Variants in DLGAP2 observed in about 807,000 individuals in gnomAD.
DLGAP2 encodes DLG associated protein 2.
DLGAP2 carries 26 observed loss-of-function variants against 100.3 expected under a neutral mutation model. The observed-to-expected ratio is 0.26, with a 90% confidence interval of 0.19 to 0.36. DLGAP2 has a LOEUF of 0.36. Among genes scored for constraint, DLGAP2 ranks in the 10% least tolerant of loss-of-function variants. The probability of loss-of-function intolerance (pLI) is 1.00; values close to 1 mark genes in which losing one functional copy is unlikely to be tolerated. For synonymous variants in DLGAP2, 886 were observed against 630.1 expected (o/e 1.41, Z -6.08); for missense variants, 1,858 against 1,453.2 (o/e 1.28, Z -4.53).
chr8:1,279,137 G>A (rs1041365053), intron 3 of DLGAP2, among the ~76,000 whole-genome samples: 1 of 152,218 alleles, frequency 6.6e-6, no homozygotes, highest in African/African-American at 2.4e-5. Context: ...GCAAATAGAG[G>A]TGTCAGTAGT....
rs1490183908 is a variant in DLGAP2, at chr8:1,240,934, TCACATGGC to T, written c.74-17916_74-17909del. 5.0e-4 allele frequency among the ~76,000 whole-genome samples: 4 copies of T among 7,956 alleles called. 1 individual carries two copies. Among genetic ancestry groups the T allele is most frequent in the African/African-American group, 2.2e-3 (3 of 1,336 alleles). The allele number at this position is 7,956 out of a possible 152,430, so 5.2% of individuals were successfully genotyped here. A position where few individuals can be genotyped will look rare whatever the true frequency, so the allele number is the denominator to read the frequency against. The stretch of plus-strand genomic sequence containing the variant: ...TCACATGGCACTGTGTCTAGTTCTC[TCACATGGC>T]GCCGTGTCTAGTTCTCTTACATGGC... On this transcript the variant is annotated intron_variant, in intron 2 of 14. Transcript: ENST00000637795.
At chr8:1,178,247 C>G (rs942996418) in intron 2 of DLGAP2, among the ~76,000 whole-genome samples, 1 of 152,204 alleles carries the variant, frequency 6.6e-6, no homozygotes, top group Non-Finnish European at 1.5e-5. Flanking sequence ...GGAGTTACCA[C>G]GTGATAGCAT....
chr8:874,721 T>A (rs1175700964), intron 1 of DLGAP2, among the ~76,000 whole-genome samples: 2 of 152,216 alleles, frequency 1.3e-5, no homozygotes, highest in African/African-American at 4.8e-5. Flanking sequence ...TGGTGATTGC[T>A]AGGTCTAATG....
intron 1 of DLGAP2, among the ~76,000 whole-genome samples, chr8:836,656 C>T (rs573411216): frequency 2.6e-5 from 4 of 152,204 alleles, no homozygotes; most frequent in South Asian, 4.1e-4. Context: ...CTTCCGTTTC[C>T]CCGGCCTACA....
intron 2 of DLGAP2, among the ~76,000 whole-genome samples, chr8:959,961 T>G (rs1799684761): frequency 6.6e-6 from 1 of 152,174 alleles, no homozygotes; most frequent in Non-Finnish European, 1.5e-5. Flanking sequence ...AAGATAGTTA[T>G]GCTAGGTATA....
chr8:749,036 G>C (rs1820723102), intron 1 of DLGAP2, among the ~76,000 whole-genome samples: 1 of 152,154 alleles, frequency 6.6e-6, no homozygotes, highest in Non-Finnish European at 1.5e-5. Context: ...GGCCTTGCTT[G>C]TTACCCAGGC....
intron 3 of DLGAP2, among the ~76,000 whole-genome samples, chr8:1,488,040 T>A (rs11996768): frequency 0.64 from 96,448 of 151,638 alleles, 30,928 homozygotes; most frequent in Admixed American, 0.7. Flanking sequence ...AGAGTCTTCG[T>A]TGAGGAGGGC....
chr8:1,237,257 G>C (rs1405593566), intron 2 of DLGAP2, among the ~76,000 whole-genome samples: 1 of 136,398 alleles, frequency 7.3e-6, no homozygotes, highest in Non-Finnish European at 1.5e-5. Context: ...CTCTCACATG[G>C]TGCTATGTCT....
At chr8:1,434,174 T>TCAGC (rs1449393519) in intron 3 of DLGAP2, among the ~76,000 whole-genome samples, 1 of 152,132 alleles carries the variant, frequency 6.6e-6, no homozygotes, top group African/African-American at 2.4e-5. Context: ...CGTCAGCAGC[T>TCAGC]CAGCCGCTCT....
chr8:1,281,469 C>T (rs1455315844), intron 3 of DLGAP2, among the ~76,000 whole-genome samples: 1 of 152,188 alleles, frequency 6.6e-6, no homozygotes, highest in East Asian at 1.9e-4. Flanking sequence ...GCCCTTCTGT[C>T]CCCTGGGCAC....
chr8:1,117,509 C>T (rs958756355), intron 2 of DLGAP2, among the ~76,000 whole-genome samples: 1 of 151,934 alleles, frequency 6.6e-6, no homozygotes, highest in African/African-American at 2.4e-5. Flanking sequence ...CTGTGTAGGA[C>T]AAGCCTGAAC....
chr8:903,612 ACT>A (rs1157780636), intron 1 of DLGAP2, among the ~76,000 whole-genome samples: 1 of 151,552 alleles, frequency 6.6e-6, no homozygotes, highest in Non-Finnish European at 1.5e-5. Context: ...TTATTCCTCC[ACT>A]CTGTTCATGG....
chr8:1,128,086 ATGAGGACCTGCTCCCCGTGTTGTGTTCCG>A (rs1563205900), intron 2 of DLGAP2, among the ~76,000 whole-genome samples: 23 of 150,986 alleles, frequency 1.5e-4, no homozygotes, highest in Admixed American at 3.9e-4. Flanking sequence ...GTTGTGTTCC[ATGAGGACCTGCTCCCCGTGTTGTGTTCCG>A]TGAGGACCTG....
rs34915218 is a variant in DLGAP2 at position 1,344,264 on chromosome 8, G to T, written c.106+85381G>T. Among the ~76,000 whole-genome samples the T allele has an allele frequency of 3.2e-3, 447 of 138,578 alleles. 4 individuals carry two copies. Among genetic ancestry groups the T allele is most frequent in the Non-Finnish European group, 5.0e-3 (321 of 64,218 alleles). The allele number at this position is 138,578 out of a possible 152,430, so 90.9% of individuals were successfully genotyped here. ...TGCACACTTCGCCCAGTCTCCCCTC[G>T]AGCTACGTGCCCAGGCATTGTGGGT... On this transcript the variant is annotated intron_variant, in intron 3 of 14. Coordinates refer to ENST00000637795, the MANE Select transcript of DLGAP2 (RefSeq NM_001346810.2).
intron 1 of DLGAP2, among the ~76,000 whole-genome samples, chr8:778,020 C>T (rs1352040725): frequency 4.0e-5 from 6 of 149,500 alleles, no homozygotes; most frequent in African/African-American, 1.5e-4. Context: ...TTCACGTAGT[C>T]CCATATTTCT....
At chr8:784,380 G>GA (rs1330542324) in intron 1 of DLGAP2, among the ~76,000 whole-genome samples, 2 of 152,208 alleles carry the variant, frequency 1.3e-5, no homozygotes, top group African/African-American at 4.8e-5. Flanking sequence ...AAAAAGAGAG[G>GA]AAAACGTCTT....
chr8:1,428,271 C>G (rs554878357), intron 3 of DLGAP2, among the ~76,000 whole-genome samples: 6 of 151,926 alleles, frequency 3.9e-5, no homozygotes, highest in Non-Finnish European at 5.9e-5. Context: ...ACACAATGAG[C>G]AATTTTATGA....
intron 3 of DLGAP2, among the ~76,000 whole-genome samples, chr8:1,331,468 C>A (rs1012266967): frequency 1.3e-5 from 2 of 152,194 alleles, no homozygotes; most frequent in Non-Finnish European, 2.9e-5. Context: ...GGGCAAACAA[C>A]AGACTCCTCC....
chr8:873,387 A>G (rs1204167261), intron 1 of DLGAP2, among the ~76,000 whole-genome samples: 4 of 152,192 alleles, frequency 2.6e-5, no homozygotes, highest in African/African-American at 9.6e-5. Context: ...GTGAGAACCA[A>G]CATCCTTGTC....
Sources: allele counts gnomAD v4.1 joint callset (sites outside exome capture counted in the v4.1 genomes callset), GRCh38; gene constraint gnomAD v4.1.1; transcripts MANE v1.5; gene names NCBI Gene and HGNC (gene_info 2026-07-23, HGNC 2026-07-21).